The following FAAH2 variants were observed in gnomAD, a reference collection of about 807,000 sequenced individuals.
The protein encoded by FAAH2 is fatty-acid amide hydrolase 2.
FAAH2 carries 60 observed loss-of-function variants against 36.9 expected under a neutral mutation model. The ratio of observed to expected loss-of-function variants is 1.63; its 90% CI spans 1.32 to 2.02. FAAH2 has a LOEUF of 2.02. FAAH2 is among the 30% of genes most tolerant of loss of function. The pLI, the probability that FAAH2 is intolerant of heterozygous loss-of-function variation, is 0.00. For synonymous variants in FAAH2, 214 were observed against 143.8 expected, an observed-to-expected ratio of 1.49 and a Z score of -3.49; for missense variants, 689 against 397.5, an observed-to-expected ratio of 1.73 and a Z score of -6.23.
intron 3 of FAAH2, among the ~76,000 whole-genome samples, chrX:57,328,984 G>C (rs890730473): frequency 9.0e-6 from 1 of 111,555 alleles, no homozygotes; most frequent in African/African-American, 3.3e-5. Context: ...CAGATCACTG[G>C]TCATAATACT....
chrX:57,389,923 G>A (rs2055124182), intron 7 of FAAH2, among the ~76,000 whole-genome samples: 2 of 109,666 alleles, frequency 1.8e-5, no homozygotes, highest in African/African-American at 3.3e-5. Context: ...GCTTTGGTGT[G>A]CATTCACCTG....
intron 5 of FAAH2, among the ~76,000 whole-genome samples, chrX:57,369,218 G>A (rs1410665443): frequency 9.1e-6 from 1 of 110,452 alleles, no homozygotes; most frequent in Non-Finnish European, 1.9e-5. Context: ...ATGTAAAAGA[G>A]CAAATGAAAT....
intron 9 of FAAH2, among the ~76,000 whole-genome samples, 162 bp from the exon 10 acceptor site, chrX:57,448,362 C>T (rs1039884128): frequency 8.0e-5 from 9 of 112,434 alleles, no homozygotes. Context: ...CTAAAACAAA[C>T]TAGAAGGAGT....
intron 7 of FAAH2, among the ~76,000 whole-genome samples, chrX:57,426,200 A>T (rs2056158535): frequency 8.9e-6 from 1 of 112,137 alleles, no homozygotes; most frequent in Non-Finnish European, 1.9e-5. Flanking sequence ...ATATAATGAT[A>T]AATGGATCAA....
At chrX:57,325,491 CTATT>C (rs1385511413) in intron 3 of FAAH2, among the ~76,000 whole-genome samples, 1 of 111,023 alleles carries the variant, frequency 9.0e-6, no homozygotes, top group Non-Finnish European at 1.9e-5. Context: ...GGTTGGTAGG[CTATT>C]TATTATTGCC....
At chrX:57,395,314 C>A in intron 7 of FAAH2, 1 of 654,053 alleles carries the variant, frequency 1.5e-6, no homozygotes, top group Non-Finnish European at 2.5e-6. Flanking sequence ...GGTGTGAAAC[C>A]AGGTACTTGT....
chrX:57,471,898 C>T (rs1189339115), intron 10 of FAAH2, among the ~76,000 whole-genome samples: 3 of 111,214 alleles, frequency 2.7e-5, no homozygotes, highest in Admixed American at 9.6e-5. Context: ...AACATAGATA[C>T]AGACCAATGG....
the FAAH2 span, among the ~76,000 whole-genome samples, chrX:57,151,465 T>G: frequency 9.0e-6 from 1 of 111,721 alleles, no homozygotes; most frequent in African/African-American, 3.3e-5. Flanking sequence ...CATTTCTTTT[T>G]ATTCTTTTTT....
the FAAH2 span, among the ~76,000 whole-genome samples, chrX:57,180,118 G>T: frequency 8.9e-6 from 1 of 111,852 alleles, no homozygotes; most frequent in Non-Finnish European, 1.9e-5. Flanking sequence ...CTAAGGCAGT[G>T]TTAAGCAGTA....
chrX:57,462,696 A>G (rs193299376), intron 10 of FAAH2, among the ~76,000 whole-genome samples: 121 of 112,772 alleles, frequency 1.1e-3, no homozygotes, highest in African/African-American at 3.8e-3. Context: ...ACCCATAGCC[A>G]ATATCATACC....
At chrX:57,371,518 T>C (rs1030630471) in intron 5 of FAAH2, among the ~76,000 whole-genome samples, 1 of 111,182 alleles carries the variant, frequency 9.0e-6, no homozygotes, top group Admixed American at 9.6e-5. Flanking sequence ...ATGTCTTTCC[T>C]ATTATGAATA....
chrX:57,125,910 A>G, the FAAH2 span, among the ~76,000 whole-genome samples: 104 of 112,306 alleles, frequency 9.3e-4, no homozygotes, highest in African/African-American at 3.3e-3. Context: ...ACTTCAAACT[A>G]CAAAACACCT....
chrX:57,448,620 T>G lies in FAAH2; in HGVS notation c.1325T>G (p.Met442Arg). The stretch of plus-strand genomic sequence containing the variant: ...AGCCTGCGTAAAGAGCTGGTGGATA[T>G]GCTAGGTGATGATGGTGTGTTCTTA... ...EESLRKELVD[M>R]LGDDGVFLYP... Residue 442 changes from methionine (M) to arginine (R), a missense_variant, in exon 10 of 11, where the codon ATG becomes AGG. Physicochemically the swap from Met to Arg is moderately conservative, Grantham distance 91 (BLOSUM62 -1). Coordinates refer to ENST00000374900, the MANE Select transcript of FAAH2 (RefSeq NM_174912.4). The G allele has an allele frequency of 8.3e-7, 1 of 1,211,543 alleles. No individual in the cohort carries two copies. Among genetic ancestry groups the G allele is most frequent in the Non-Finnish European group, 1.1e-6 (1 of 895,298 alleles).
the FAAH2 span, among the ~76,000 whole-genome samples, chrX:57,169,200 A>G: frequency 2.8e-5 from 3 of 108,499 alleles, no homozygotes; most frequent in Non-Finnish European, 5.7e-5. Flanking sequence ...TTATGATCTA[A>G]TTTAAATTTA....
the FAAH2 span, among the ~76,000 whole-genome samples, chrX:57,163,522 G>A: frequency 1.8e-5 from 2 of 111,762 alleles, no homozygotes; most frequent in East Asian, 5.7e-4. Context: ...GACTCCGTGG[G>A]CGTAGGACCC....
At chrX:57,393,794 G>A (rs769669870) in intron 7 of FAAH2, 55 of 874,869 alleles carry the variant, frequency 6.3e-5, no homozygotes, top group African/African-American at 3.2e-4. Flanking sequence ...ACTTTTCTTC[G>A]TTGGAGCCTG....
the FAAH2 span, among the ~76,000 whole-genome samples, chrX:57,190,877 A>C: frequency 9.0e-6 from 1 of 110,752 alleles, no homozygotes; most frequent in Non-Finnish European, 1.9e-5. Flanking sequence ...TTTTCTTTAT[A>C]CATTCATTTA....
the FAAH2 span, among the ~76,000 whole-genome samples, chrX:57,213,140 G>T: frequency 9.0e-6 from 1 of 111,385 alleles, no homozygotes; most frequent in Non-Finnish European, 1.9e-5. Flanking sequence ...AAAAGTCTCT[G>T]ATTATGCTTC....
At chrX:57,372,946 C>A (rs1289243757) in intron 5 of FAAH2, among the ~76,000 whole-genome samples, 2 of 110,744 alleles carry the variant, frequency 1.8e-5, no homozygotes, top group African/African-American at 6.6e-5. Flanking sequence ...CATAGCTTAG[C>A]TTCCACGTAT....
Sources: gnomAD v4.1 joint callset for allele counts (sites outside exome capture counted in the v4.1 genomes callset) on GRCh38, gnomAD v4.1.1 for gene constraint, MANE v1.5 for transcripts, NCBI Gene and HGNC (gene_info 2026-07-23, HGNC 2026-07-21) for gene names.